BCAR3: variants seen among roughly 807,000 people sequenced by gnomAD.
The protein encoded by BCAR3 is breast cancer anti-estrogen resistance protein 3.
Under a neutral mutation model 80.1 loss-of-function variants are expected in BCAR3, and 37 were observed. The observed-to-expected ratio is 0.46, with a 90% CI of 0.36 to 0.61. BCAR3 has a LOEUF of 0.61. BCAR3 is among the 20% of genes least tolerant of loss of function. BCAR3 has a pLI of 0.00. For synonymous variants in BCAR3, 389 were observed against 418.9 expected (o/e 0.93, Z 0.87); for missense variants, 978 against 1,068.2 (o/e 0.92, Z 1.18).
chr1:93,750,461 T>C (rs1348238448), intron 2 of BCAR3, among the ~76,000 whole-genome samples: 2 of 152,252 alleles, frequency 1.3e-5, no homozygotes, highest in East Asian at 3.8e-4. Context: ...TTATTTTCTA[T>C]AGTCACTATG....
intron 2 of BCAR3, among the ~76,000 whole-genome samples, chr1:93,653,026 CT>C (rs1433105393): frequency 6.6e-6 from 1 of 152,198 alleles, no homozygotes; most frequent in Non-Finnish European, 1.5e-5. Context: ...GACACTTGAT[CT>C]GTAAGTGTTT....
intron 2 of BCAR3, among the ~76,000 whole-genome samples, chr1:93,739,806 G>A (rs548059423): frequency 2.6e-5 from 4 of 152,168 alleles, no homozygotes; most frequent in East Asian, 1.9e-4. Flanking sequence ...AGCCTGAGGC[G>A]GGTGGATCAC....
chr1:93,644,860 T>G (rs1676105431), intron 2 of BCAR3, among the ~76,000 whole-genome samples: 1 of 152,196 alleles, frequency 6.6e-6, no homozygotes, highest in South Asian at 2.1e-4. Flanking sequence ...TGATGGTCCT[T>G]AATTTATTCT....
chr1:93,710,577 G>A (rs1231284005), intron 2 of BCAR3, among the ~76,000 whole-genome samples: 1 of 152,112 alleles, frequency 6.6e-6, no homozygotes, highest in Non-Finnish European at 1.5e-5. Context: ...ACACCCAGCA[G>A]GTCTCGACCC....
intron 2 of BCAR3, among the ~76,000 whole-genome samples, chr1:93,659,616 G>T (rs558800760): frequency 6.6e-6 from 1 of 151,902 alleles, no homozygotes; most frequent in South Asian, 2.1e-4. Context: ...ATTAGATAAG[G>T]TTATTACATG....
intron 2 of BCAR3, among the ~76,000 whole-genome samples, chr1:93,653,286 T>G (rs1374594958): frequency 6.6e-6 from 1 of 152,208 alleles, no homozygotes; most frequent in Admixed American, 6.5e-5. Context: ...TTTCATGCAA[T>G]GGAGGAATGT....
intron 2 of BCAR3, among the ~76,000 whole-genome samples, chr1:93,651,646 G>A (rs569914676): frequency 6.6e-6 from 1 of 152,278 alleles, no homozygotes; most frequent in South Asian, 2.1e-4. Context: ...GTATGTCCTG[G>A]TACAATGGCC....
At chr1:93,847,676 C>CCCCTA (rs1419002310), upstream of BCAR3, 1 of 152,622 alleles carries the variant, frequency 6.6e-6, no homozygotes, top group African/African-American at 2.4e-5. Context: ...TTTTCCCTCC[C>CCCCTA]CCCTACAATT....
intron 2 of BCAR3, among the ~76,000 whole-genome samples, chr1:93,730,312 T>A (rs899760718): frequency 3.3e-5 from 5 of 152,142 alleles, no homozygotes; most frequent in Admixed American, 3.3e-4. Context: ...CCTGGAACTT[T>A]CCATCTTATT....
chr1:93,771,099 T>G (rs1652344631), intron 2 of BCAR3, among the ~76,000 whole-genome samples: 1 of 152,222 alleles, frequency 6.6e-6, no homozygotes, highest in South Asian at 2.1e-4. Context: ...ACTATACCCA[T>G]GTACTGTGTT....
intron 2 of BCAR3, among the ~76,000 whole-genome samples, chr1:93,725,607 T>C (rs1057375150): frequency 6.6e-6 from 1 of 152,252 alleles, no homozygotes; most frequent in Non-Finnish European, 1.5e-5. Flanking sequence ...TTGTGGTATA[T>C]TAATTTTAAT....
intron 3 of BCAR3, among the ~76,000 whole-genome samples, chr1:93,631,234 T>G (rs183338274): frequency 5.0e-4 from 76 of 152,290 alleles, no homozygotes; most frequent in African/African-American, 1.8e-3. Context: ...GGTCCAAATC[T>G]TCTTCTTATA....
At chr1:93,634,728 A>G (rs1025077532) in intron 3 of BCAR3, among the ~76,000 whole-genome samples, 5 of 151,902 alleles carry the variant, frequency 3.3e-5, no homozygotes, top group Admixed American at 6.6e-5. Flanking sequence ...AACAAAAAAA[A>G]AACGGAGTTT....
At position 93,586,901 on chromosome 1, in the gene BCAR3, A is replaced by G. The variant is rs1410651517; in HGVS notation, c.929+2076T>C. Among the ~76,000 whole-genome samples the G allele has an allele frequency of 6.6e-6, 1 of 152,144 alleles. No individual in the cohort carries two copies. The highest frequency in any genetic ancestry group is 1.5e-5 in the Non-Finnish European group (1 of 68,016). On this transcript the variant is annotated intron_variant, in intron 5 of 11. Transcript: ENST00000260502. This position sits in a 1 kb window ranked among gnomAD's most constrained non-coding sequence, Gnocchi z 4.2. ...GCAATTCTCCTGCCTTAGCCTCCCT[A>G]GTAGCTGGGACTACAGGCGTGCACC... is the stretch of plus-strand genomic sequence containing the variant.
At chr1:93,564,154 T>C (rs1194357819) in intron 11 of BCAR3, among the ~76,000 whole-genome samples, 1 of 152,212 alleles carries the variant, frequency 6.6e-6, no homozygotes, top group African/African-American at 2.4e-5. Flanking sequence ...AATTTTTGTC[T>C]ATTTAAATTT....
Position 93,571,741 on chromosome 1 carries a change from C to T in BCAR3, c.1903G>A (p.Val635Met). The change falls in exon 9 of 12, where the codon GTG (valine) becomes ATG (methionine). Residue 635 changes from valine (V) to methionine (M), a missense_variant. Transcript: ENST00000260502. ...ATLSKIIQVA[V>M]ELKDSMGDLY... ...TCCCCCATGGAATCCTTCAGTTCCA[C>T]CGCCACCTGGATGATCTTACTCAGA... 6.2e-7 allele frequency: 1 copy of T among 1,614,168 alleles called. No homozygotes were observed. The highest frequency in any genetic ancestry group is 8.5e-7 in the Non-Finnish European group (1 of 1,180,018).
At chr1:93,618,946 T>G (rs76285993) in intron 3 of BCAR3, among the ~76,000 whole-genome samples, 12,399 of 150,578 alleles carry the variant, frequency 0.082, 763 homozygotes, top group African/African-American at 0.18. Flanking sequence ...TTTGTTTTTT[T>G]TTTTTTAATC....
At chr1:93,680,333 T>C (rs908341416) in intron 1 of BCAR3, among the ~76,000 whole-genome samples, 4 of 152,194 alleles carry the variant, frequency 2.6e-5, no homozygotes, top group Non-Finnish European at 4.4e-5. Flanking sequence ...AAGTTGGAGT[T>C]GGAGTGGTGT....
intron 3 of BCAR3, among the ~76,000 whole-genome samples, chr1:93,631,764 T>C (rs576156146): frequency 7.9e-5 from 12 of 152,282 alleles, no homozygotes; most frequent in African/African-American, 2.4e-4. Flanking sequence ...TCACACAGAA[T>C]GTAAATCTGG....
Sources: allele counts gnomAD v4.1 joint callset (sites outside exome capture counted in the v4.1 genomes callset), GRCh38; gene constraint gnomAD v4.1.1; non-coding constraint Gnocchi (gnomAD v3.1); transcripts MANE v1.5; gene names NCBI Gene and HGNC (gene_info 2026-07-23, HGNC 2026-07-21).